FAT2: variants seen among roughly 807,000 people sequenced by gnomAD.
The protein encoded by FAT2 is protocadherin Fat 2.
Under a neutral mutation model 295.3 loss-of-function variants are expected in FAT2, and 150 were observed. The observed-to-expected ratio is 0.51, with a 90% confidence interval of 0.44 to 0.58. The LOEUF is 0.58. Ranked by LOEUF, FAT2 falls within the 20% of genes least tolerant of loss-of-function variation. The pLI is 0.00. For missense variants in FAT2, 4,868 were observed against 5,442.7 expected, an observed-to-expected ratio of 0.89 and a Z score of 3.32; for synonymous variants, 2,026 against 2,150.3, an observed-to-expected ratio of 0.94 and a Z score of 1.60.
chr5:151,536,863 C>T (rs1467043356), intron 12 of FAT2, among the ~76,000 whole-genome samples: 1 of 152,190 alleles, frequency 6.6e-6, no homozygotes, highest in Non-Finnish European at 1.5e-5. Context: ...CTCTGCCCAC[C>T]CTGGGGCCTC....
chr5:151,543,758 A>C lies in FAT2; in HGVS notation c.7369T>G (p.Ser2457Ala), dbSNP rs1404242876. The change falls in exon 10 of 24, where the codon TCT becomes GCT. Residue 2457 changes from serine (S) to alanine (A), a missense_variant. Physicochemically the swap from Ser to Ala is moderately conservative, Grantham distance 99 (BLOSUM62 1). Coordinates refer to ENST00000261800, the MANE Select transcript of FAT2 (RefSeq NM_001447.3). ...ACAGTTGCTCGGAAGACTCCATCAG[A>C]AGCACCTACCCTCAAATTGTAAGAA... ...DSSYNLRVGA[S>A]DGVFRATVPV... The C allele has an allele frequency of 6.2e-7, 1 of 1,614,060 alleles. No homozygotes were observed. Among genetic ancestry groups the C allele is most frequent in the Non-Finnish European group, 8.5e-7 (1 of 1,180,038 alleles).
At chr5:151,537,436 AGG>A (rs1282534487) in intron 12 of FAT2, among the ~76,000 whole-genome samples, 98 of 83,906 alleles carry the variant, frequency 1.2e-3, no homozygotes, top group African/African-American at 6.6e-3. Flanking sequence ...AGGAGAGGAA[AGG>A]AGAGGGGAGG....
At chr5:151,514,418 T>A (rs1005446870) in intron 20 of FAT2, among the ~76,000 whole-genome samples, 2 of 152,210 alleles carry the variant, frequency 1.3e-5, no homozygotes. Flanking sequence ...CTTCACATAC[T>A]CTTGACCTAT....
chr5:151,555,084 A>T (rs1757566293), intron 4 of FAT2, among the ~76,000 whole-genome samples: 1 of 152,212 alleles, frequency 6.6e-6, no homozygotes, highest in African/African-American at 2.4e-5. Context: ...TTTGAGTCAG[A>T]CATGTGCACG....
At chr5:151,590,690 T>C (rs747966504) in intron 1 of FAT2, among the ~76,000 whole-genome samples, 26 of 152,162 alleles carry the variant, frequency 1.7e-4, no homozygotes, top group Non-Finnish European at 3.2e-4. Flanking sequence ...GGTAGCTTTG[T>C]CTGTGATAAG....
At position 151,521,338 on chromosome 5, in the gene FAT2, C is replaced by A. The variant is rs201846006; in HGVS notation, c.11255G>T (p.Ser3752Ile). 486 of 1,614,008 alleles carry A rather than the reference C, an allele frequency of 3.0e-4. 5 individuals carry two copies. Among genetic ancestry groups the A allele is most frequent in the Non-Finnish European group, 8.5e-6 (10 of 1,179,982 alleles). ...GGTTAGGATGCTGAGCCTGGCGGTG[C>A]TGTACGTGGGCCCAACCTTGGGGTC... ...HLDPKVGPTY[S>I]TARLSILTPR... The change falls in exon 19 of 24, where the codon AGC becomes ATC. Residue 3752 changes from serine (S) to isoleucine (I), a missense_variant. Ser to Ile is a moderately radical substitution (Grantham distance 142, BLOSUM62 -2). This residue lies in a region of FAT2 where 1,046 missense variants were observed against 1,210.1 expected (regional missense o/e 0.86). Coordinates refer to ENST00000261800, the MANE Select transcript of FAT2 (RefSeq NM_001447.3).
At chr5:151,570,808 G>C (rs974613660) in intron 1 of FAT2, among the ~76,000 whole-genome samples, 1 of 152,220 alleles carries the variant, frequency 6.6e-6, no homozygotes, top group Admixed American at 6.5e-5. Flanking sequence ...CAAGGCAAAG[G>C]GGGAAGGAGA....
At chr5:151,528,417 A>G (rs376764700) in intron 15 of FAT2, among the ~76,000 whole-genome samples, 1 of 152,212 alleles carries the variant, frequency 6.6e-6, no homozygotes, top group African/African-American at 2.4e-5. Context: ...AGGAAGTTTA[A>G]TGTCTAATTT....
chr5:151,521,711 G>A lies in FAT2; in HGVS notation c.10882C>T (p.Gln3628Ter), dbSNP rs756660766. The A allele has an allele frequency of 6.2e-7, 1 of 1,613,910 alleles. No individual in the cohort carries two copies. Among genetic ancestry groups the A allele is most frequent in the South Asian group, 1.1e-5 (1 of 91,078 alleles). Residue 3628 changes from glutamine (Q) to a stop codon, truncating the protein, a stop_gained, in exon 19 of 24, where the codon CAG becomes TAG. Transcript: ENST00000261800. LOFTEE classifies it high-confidence loss of function. ...YVWHVGQEAL[Q>*]QAMWMGFYQL... ...TAGAAGCCCATCCACATGGCCTGCT[G>A]CAGAGCCTCCTGCCCCACATGCCAC...
Position 151,554,428 on chromosome 5 carries a change from G to C in FAT2, c.3879C>G (p.Ile1293Met), listed in dbSNP as rs765448810. 1 of 1,614,196 alleles carries C rather than the reference G, an allele frequency of 6.2e-7. No individual in the cohort carries two copies. The highest frequency in any genetic ancestry group is 1.7e-5 in the Admixed American group (1 of 60,016). The change falls in exon 5 of 24, where the codon ATC becomes ATG. Residue 1293 changes from isoleucine (I) to methionine (M), a missense_variant. By Grantham distance (10) the Ile-to-Met change is conservative. Coordinates refer to ENST00000261800, the MANE Select transcript of FAT2 (RefSeq NM_001447.3). The part of the protein sequence containing the change: ...IEDSDEEAFS[I>M]DLVTGVVSSS... The stretch of plus-strand genomic sequence containing the variant: ...ATGAAACCACACCTGTGACCAGGTC[G>C]ATACTGAAGGCCTCCTCATCGCTGT...
intron 3 of FAT2, among the ~76,000 whole-genome samples, chr5:151,558,796 C>T (rs1266014742): frequency 6.6e-6 from 1 of 152,158 alleles, no homozygotes; most frequent in African/African-American, 2.4e-5. Context: ...CTCTGGGCTC[C>T]TCTCAGTTCA....
chr5:151,556,510 T>C, intron 3 of FAT2, 108 bp from the exon 4 acceptor site: 1 of 738,022 alleles, frequency 1.4e-6, no homozygotes, highest in Non-Finnish European at 2.3e-6. Context: ...ATTCTTCTGA[T>C]CTTTGAAGAA....
Position 151,521,682 on chromosome 5 carries a change from C to T in FAT2, c.10911G>A (p.Gln3637=). The T allele has an allele frequency of 6.2e-7, 1 of 1,614,012 alleles. No individual in the cohort carries two copies. Among genetic ancestry groups the T allele is most frequent in the Non-Finnish European group, 8.5e-7 (1 of 1,180,028 alleles). The change falls in exon 19 of 24, where the codon CAG becomes CAA. Residue 3637 remains glutamine (Q), a synonymous_variant. Coordinates refer to ENST00000261800, the MANE Select transcript of FAT2 (RefSeq NM_001447.3). ...CACTCACCAGCTCCTCGGGGGTGAG[C>T]TGGTAGAAGCCCATCCACATGGCCT... ...LQQAMWMGFY[Q]LTPEELVSDH... is the part of the protein sequence containing the mutation.
At position 151,534,441 on chromosome 5, in the gene FAT2, A is replaced by G. The variant is rs757949546; in HGVS notation, c.9395T>C (p.Val3132Ala). ...GGGATCCCGGGCAAATACTACAGCC[A>G]CAGGGGTCTTCACTGTGGTGTTGTC... The part of the protein sequence containing the change: ...VFDNTTVKTP[V>A]AVVFARDPDQ... The change falls in exon 13 of 24, where the codon GTG (valine) becomes GCG (alanine). Residue 3132 changes from valine (V) to alanine (A), a missense_variant. Val to Ala is a moderately conservative substitution (Grantham distance 64, BLOSUM62 0). This residue lies in a region of FAT2 where 1,046 missense variants were observed against 1,210.1 expected (regional missense o/e 0.86). Coordinates refer to ENST00000261800, the MANE Select transcript of FAT2 (RefSeq NM_001447.3). The G allele has an allele frequency of 6.2e-7, 1 of 1,612,930 alleles. No individual in the cohort carries two copies. The highest frequency in any genetic ancestry group is 8.5e-7 in the Non-Finnish European group (1 of 1,179,406).
chr5:151,545,585 G>A lies in FAT2; in HGVS notation c.5542C>T (p.Pro1848Ser). 3 of 1,613,976 alleles carry A rather than the reference G, an allele frequency of 1.9e-6. No individual in the cohort carries two copies. Among genetic ancestry groups the A allele is most frequent in the Non-Finnish European group, 2.5e-6 (3 of 1,179,964 alleles). ...GCAGGTCTGGGTGCAAATAATACAG[G>A]GCTTCCTTGGTCATGGACATAGACA... ...FCVYVHDQGS[P>S]VLFAPRPAQV... The change falls in exon 10 of 24, where the codon CCT (proline) becomes TCT (serine). Residue 1848 changes from proline to serine, a missense_variant. By Grantham distance (74) the Pro-to-Ser change is moderately conservative. Transcript: ENST00000261800.
At chr5:151,515,679 T>G (rs934299621) in intron 20 of FAT2, among the ~76,000 whole-genome samples, 1 of 152,210 alleles carries the variant, frequency 6.6e-6, no homozygotes, top group African/African-American at 2.4e-5. Flanking sequence ...GGCTTTGCCT[T>G]CAAAATCTTT....
chr5:151,574,042 G>C (rs943306615), intron 1 of FAT2, among the ~76,000 whole-genome samples: 2 of 152,100 alleles, frequency 1.3e-5, no homozygotes, highest in African/African-American at 2.4e-5. Context: ...TTTGGCCTGT[G>C]CATGCCTATG....
At position 151,531,557 on chromosome 5, in the gene FAT2, G is replaced by A; in HGVS notation, c.9811+30C>T. 2 of 1,610,972 alleles carry A rather than the reference G, an allele frequency of 1.2e-6. No individual in the cohort carries two copies. The highest frequency in any genetic ancestry group is 2.2e-5 in the East Asian group (1 of 44,850). On this transcript the variant is annotated intron_variant, in intron 14 of 23. Coordinates refer to ENST00000261800, the MANE Select transcript of FAT2 (RefSeq NM_001447.3). This position sits in a 1 kb window ranked among gnomAD's most constrained non-coding sequence, Gnocchi z 5.7. ...CGCTCCCAGAAACCCTGTACGCGAT[G>A]CTTTGGGGCTTGGTGGATCAGGCTC...
chr5:151,519,770 A>G (rs1461618081), intron 19 of FAT2, among the ~76,000 whole-genome samples: 1 of 149,560 alleles, frequency 6.7e-6, no homozygotes, highest in East Asian at 2.0e-4. Context: ...AAAATAAAAA[A>G]CCTCTTTTCA....
Sources: allele counts gnomAD v4.1 joint callset (sites outside exome capture counted in the v4.1 genomes callset), GRCh38; gene constraint gnomAD v4.1.1; regional missense constraint gnomAD v4.1.1; non-coding constraint Gnocchi (gnomAD v3.1); transcripts MANE v1.5; gene names NCBI Gene and HGNC (gene_info 2026-07-23, HGNC 2026-07-21).